EFNA5: variants seen among roughly 807,000 people sequenced by gnomAD.
EFNA5 encodes the protein ephrin-A5.
In EFNA5, 5 loss-of-function variants were observed where a neutral mutation model predicts 22.9. The ratio of observed to expected loss-of-function variants is 0.22; its 90% CI spans 0.11 to 0.46. EFNA5 has a LOEUF of 0.46. EFNA5 is among the 20% of genes least tolerant of loss of function. EFNA5 has a pLI of 0.99. For missense variants in EFNA5, 237 were observed against 293.3 expected, an observed-to-expected ratio of 0.81 and a Z score of 1.40; for synonymous variants, 113 against 112.2, an observed-to-expected ratio of 1.01 and a Z score of -0.04.
intron 1 of EFNA5, among the ~76,000 whole-genome samples, chr5:107,643,108 C>A (rs1463695606): frequency 2.0e-5 from 3 of 152,106 alleles, no homozygotes; most frequent in Non-Finnish European, 2.9e-5. Context: ...CAGGAGGCAA[C>A]AGCACATTTC....
intron 1 of EFNA5, among the ~76,000 whole-genome samples, chr5:107,634,967 T>C (rs1400206467): frequency 6.6e-6 from 1 of 152,224 alleles, no homozygotes; most frequent in Non-Finnish European, 1.5e-5. Flanking sequence ...CGTCAAATGA[T>C]AGTCAACTTC....
chr5:107,461,304 G>T (rs1749828516), intron 1 of EFNA5, among the ~76,000 whole-genome samples: 1 of 152,176 alleles, frequency 6.6e-6, no homozygotes, highest in African/African-American at 2.4e-5. Flanking sequence ...AGCAAGGACA[G>T]AGAATATACA....
At chr5:107,577,671 G>A (rs543881809) in intron 1 of EFNA5, among the ~76,000 whole-genome samples, 198 of 152,270 alleles carry the variant, frequency 1.3e-3, no homozygotes, top group African/African-American at 4.6e-3. Flanking sequence ...TGTAAACTCT[G>A]GACCCCCAGA....
In EFNA5 at chr5:107,479,346, T is replaced by G. The variant is rs142968821; in HGVS notation, c.126-51837A>C. 1.3e-3 allele frequency among the ~76,000 whole-genome samples: 202 copies of G among 152,310 alleles called. 1 individual carries two copies. The highest frequency in any genetic ancestry group is 3.5e-3 in the Admixed American group (54 of 15,304). ...CACTTCCTTTTACATATGGTGCTAATTAAAATCTGATCAGAGTAATAATTG... is the reference window on the plus strand; with the variant it reads ...CACTTCCTTTTACATATGGTGCTAAGTAAAATCTGATCAGAGTAATAATTG... On this transcript the variant is annotated intron_variant, in intron 1 of 4. Transcript: ENST00000333274.
At chr5:107,522,808 GT>G (rs1197956080) in intron 1 of EFNA5, among the ~76,000 whole-genome samples, 2 of 151,994 alleles carry the variant, frequency 1.3e-5, no homozygotes, top group African/African-American at 4.8e-5. Flanking sequence ...CACATTTCTG[GT>G]TTTTATGAAC....
intron 1 of EFNA5, among the ~76,000 whole-genome samples, chr5:107,661,398 C>A (rs1750957428): frequency 6.6e-6 from 1 of 152,250 alleles, no homozygotes; most frequent in Non-Finnish European, 1.5e-5. Flanking sequence ...CTTTGGAGGT[C>A]TGCAAATAGC....
At chr5:107,534,947 A>G (rs886626508) in intron 1 of EFNA5, among the ~76,000 whole-genome samples, 1 of 152,244 alleles carries the variant, frequency 6.6e-6, no homozygotes, top group Admixed American at 6.5e-5. Flanking sequence ...AAAGTTTGCC[A>G]TGAAGGAAAA....
At chr5:107,623,608 T>C (rs773215303) in intron 1 of EFNA5, among the ~76,000 whole-genome samples, 64 of 152,020 alleles carry the variant, frequency 4.2e-4, no homozygotes, top group Admixed American at 6.6e-4. Context: ...CATGAATAGG[T>C]GGGCAGGCTG....
chr5:107,526,956 G>A (rs932942473), intron 1 of EFNA5, among the ~76,000 whole-genome samples: 1 of 152,136 alleles, frequency 6.6e-6, no homozygotes, highest in African/African-American at 2.4e-5. Flanking sequence ...TTAATATATT[G>A]ACTATAGGTA....
chr5:107,397,085 A>T (rs72785816), intron 2 of EFNA5, among the ~76,000 whole-genome samples: 24,287 of 142,378 alleles, frequency 0.17, 2,308 homozygotes, highest in East Asian at 0.32. Flanking sequence ...CCACTCTTTA[A>T]TTTTTTTTTT....
In EFNA5 at chr5:107,380,661, C is replaced by A. The variant is rs1447786775; in HGVS notation, c.*594G>T. 28 of 384,876 alleles carry A rather than the reference C, an allele frequency of 7.3e-5. No homozygotes were observed. Among genetic ancestry groups the A allele is most frequent in the East Asian group, 1.5e-4 (4 of 26,876 alleles). The allele number at this position is 384,876 out of a possible 1,614,324, so 23.8% of individuals were successfully genotyped here. A position where few individuals can be genotyped will look rare whatever the true frequency, so the allele number is the denominator to read the frequency against. ...AAGACAGTCATATTAAAAAAAAAAA[C>A]CAGTGTCTCAACCTTTTAGAAGCCT... On this transcript the variant is annotated 3_prime_UTR_variant, in exon 5 of 5. Coordinates refer to ENST00000333274, the MANE Select transcript of EFNA5 (RefSeq NM_001962.3).
intron 1 of EFNA5, among the ~76,000 whole-genome samples, chr5:107,449,114 C>T (rs914469401): frequency 6.6e-6 from 1 of 151,994 alleles, no homozygotes; most frequent in Admixed American, 6.6e-5. Flanking sequence ...ATGGAACATG[C>T]AGAAAATAGT....
chr5:107,621,802 A>G (rs1210513435), intron 1 of EFNA5, among the ~76,000 whole-genome samples: 1 of 152,236 alleles, frequency 6.6e-6, no homozygotes, highest in Non-Finnish European at 1.5e-5. Context: ...AGAGGATGTC[A>G]CAGGTACTAT....
chr5:107,427,013 T>G (rs1748826641), intron 2 of EFNA5: 1 of 591,058 alleles, frequency 1.7e-6, no homozygotes, highest in South Asian at 2.2e-5. Flanking sequence ...ACACGTAATT[T>G]CATAGGGGGA....
intron 1 of EFNA5, among the ~76,000 whole-genome samples, chr5:107,618,837 G>A (rs1348078537): frequency 1.3e-5 from 2 of 152,050 alleles, no homozygotes; most frequent in African/African-American, 4.8e-5. Flanking sequence ...TTTTTGCTTA[G>A]AAAACCATCC....
chr5:107,545,263 T>C (rs974376531), intron 1 of EFNA5, among the ~76,000 whole-genome samples: 11 of 152,260 alleles, frequency 7.2e-5, no homozygotes, highest in Non-Finnish European at 2.9e-5. Context: ...GTAAGCCAGA[T>C]GTTTCCAGAG....
intron 1 of EFNA5, among the ~76,000 whole-genome samples, chr5:107,460,073 A>G (rs1486213686): frequency 6.6e-6 from 1 of 152,204 alleles, no homozygotes; most frequent in Non-Finnish European, 1.5e-5. Context: ...GTTATACAGA[A>G]GATGACTGTA....
intron 1 of EFNA5, among the ~76,000 whole-genome samples, chr5:107,557,712 TAA>T (rs1281881083): frequency 2.0e-5 from 3 of 152,242 alleles, no homozygotes; most frequent in Non-Finnish European, 4.4e-5. Flanking sequence ...ACTAAAATTA[TAA>T]GTGACCTTTT....
chr5:107,512,584 T>C (rs867084756), intron 1 of EFNA5, among the ~76,000 whole-genome samples: 2 of 152,060 alleles, frequency 1.3e-5, no homozygotes, highest in African/African-American at 4.8e-5. Context: ...CAGTGATTAT[T>C]GCCATTAAAA....
Sources: allele counts gnomAD v4.1 joint callset (sites outside exome capture counted in the v4.1 genomes callset), GRCh38; gene constraint gnomAD v4.1.1; transcripts MANE v1.5; gene names NCBI Gene and HGNC (gene_info 2026-07-23, HGNC 2026-07-21).